The following VPS45 variants were observed in gnomAD, a reference collection of about 807,000 sequenced individuals.
VPS45 encodes vacuolar protein sorting 45 homolog.
VPS45 carries 35 observed loss-of-function variants against 75.9 expected under a neutral mutation model. The ratio of observed to expected loss-of-function variants is 0.46; its 90% CI spans 0.35 to 0.61. The LOEUF (loss-of-function observed/expected upper bound fraction) is 0.61. Ranked by LOEUF, VPS45 falls within the 20% of genes least tolerant of loss-of-function variation. The probability of loss-of-function intolerance (pLI) is 0.00; values close to 1 mark genes in which losing one functional copy is unlikely to be tolerated. For missense variants in VPS45, 559 were observed against 685.9 expected, an observed-to-expected ratio of 0.81 and a Z score of 2.07; for synonymous variants, 220 against 238.2, an observed-to-expected ratio of 0.92 and a Z score of 0.70.
rs370958835 is a variant in VPS45 at position 150,091,996 on chromosome 1, G to A, written c.1164G>A (p.Val388=). 6.8e-6 allele frequency: 11 copies of A among 1,613,962 alleles called. No individual in the cohort carries two copies. The highest frequency in any genetic ancestry group is 7.6e-6 in the Non-Finnish European group (9 of 1,180,002). ...CAGAGTTTGATGCTGCCCGCCTGGT[G>A]ATGCTTTATGCTTTACATTATGAGC... ...KVTEFDAARL[V]MLYALHYERH... The change falls in exon 11 of 15, where the codon GTG becomes GTA. Residue 388 remains valine (V), a synonymous_variant. Coordinates refer to ENST00000644510, the MANE Select transcript of VPS45 (RefSeq NM_007259.5).
At chr1:150,096,053 GCA>G (rs1430152322) in intron 13 of VPS45, among the ~76,000 whole-genome samples, 13 of 152,260 alleles carry the variant, frequency 8.5e-5, no homozygotes, top group African/African-American at 3.1e-4. Context: ...ATATTTAATG[GCA>G]CAGATTTATG....
intron 1 of VPS45, chr1:150,068,304 C>G (rs1654840990): frequency 2.8e-6 from 1 of 358,530 alleles, no homozygotes; most frequent in South Asian, 8.8e-5. Context: ...GGAGCTCAAG[C>G]TGAAATGACA....
chr1:150,083,362 A>G (rs1655826442), intron 10 of VPS45: 1 of 153,034 alleles, frequency 6.5e-6, no homozygotes, highest in African/African-American at 2.4e-5. Context: ...CAACATATTA[A>G]TGCCTGCTAT....
At chr1:150,077,356 A>G in intron 6 of VPS45, 125 bp downstream of exon 6, 1 of 1,216,594 alleles carries the variant, frequency 8.2e-7, no homozygotes, top group Non-Finnish European at 1.1e-6. Flanking sequence ...TTTCCGCGAA[A>G]AGAGGTAGGT....
Position 150,076,972 on chromosome 1 carries a change from G to C in VPS45, c.426G>C (p.Leu142Phe), listed in dbSNP as rs1553798226. ...CACATTTGTTTTCCCTCAATATTTT[G>C]GGTTGCTGCCAGGTATGGAAGGAAA... ...VNPHLFSLNI[L>F]GCCQGRNWDP... Residue 142 changes from leucine (L) to phenylalanine (F), a missense_variant, in exon 5 of 15, where the codon TTG (leucine) becomes TTC (phenylalanine). Physicochemically the swap from Leu to Phe is conservative, Grantham distance 22 (BLOSUM62 0). Coordinates refer to ENST00000644510, the MANE Select transcript of VPS45 (RefSeq NM_007259.5). The C allele has an allele frequency of 1.1e-5, 17 of 1,613,928 alleles. No individual in the cohort carries two copies. Among genetic ancestry groups the C allele is most frequent in the Non-Finnish European group, 8.5e-7 (1 of 1,180,016 alleles).
intron 14 of VPS45, among the ~76,000 whole-genome samples, chr1:150,119,643 A>G (rs1000747839): frequency 3.3e-5 from 5 of 152,208 alleles, no homozygotes; most frequent in African/African-American, 1.2e-4. Context: ...CATGTCTTAC[A>G]TCCAAATCCA....
At position 150,113,226 on chromosome 1, in the gene VPS45, T is replaced by C. The variant is rs140445974; in HGVS notation, c.1625+2599T>C. On this transcript the variant is annotated intron_variant, in intron 14 of 14. Coordinates refer to ENST00000644510, the MANE Select transcript of VPS45 (RefSeq NM_007259.5). ...TAGAGGCCCACCAAGAGTCATCTCA[T>C]TGAAACAAAAGACACTCCCGTCACC... Among the ~76,000 whole-genome samples the C allele has an allele frequency of 5.5e-3, 836 of 152,136 alleles. 7 individuals are homozygous for C. The highest frequency in any genetic ancestry group is 0.027 in the Middle Eastern group (8 of 294).
chr1:150,081,129 A>C (rs1013259975), intron 7 of VPS45, among the ~76,000 whole-genome samples: 1 of 152,218 alleles, frequency 6.6e-6, no homozygotes, highest in Non-Finnish European at 1.5e-5. Context: ...AAAAGTATGA[A>C]ATCTAAAAGT....
chr1:150,126,718 C>A (rs1387347505), intron 14 of VPS45, among the ~76,000 whole-genome samples: 1 of 152,094 alleles, frequency 6.6e-6, no homozygotes, highest in African/African-American at 2.4e-5. Flanking sequence ...GTAATCCCAG[C>A]ACTTTGGGAG....
intron 1 of VPS45, 183 bp downstream of exon 1, chr1:150,068,133 C>A: frequency 1.7e-6 from 1 of 602,968 alleles, no homozygotes. Context: ...TGGCTCCAGC[C>A]ACTGCCTAGA....
chr1:150,076,044 G>A (rs1044613624), intron 3 of VPS45, among the ~76,000 whole-genome samples, 189 bp from the exon 4 acceptor site: 38 of 146,164 alleles, frequency 2.6e-4, no homozygotes, highest in African/African-American at 9.5e-4. Flanking sequence ...GAGCCACCGC[G>A]CCTGGCCAGT....
intron 13 of VPS45, among the ~76,000 whole-genome samples, chr1:150,105,985 G>A (rs1044096575): frequency 1.3e-5 from 2 of 152,040 alleles, no homozygotes; most frequent in African/African-American, 4.8e-5. Flanking sequence ...CAATAAAGTC[G>A]ATAAAAATAA....
rs187876020 is a variant in VPS45 at position 150,110,759 on chromosome 1, C to T, written c.1625+132C>T. 9.7e-4 allele frequency: 845 copies of T among 869,560 alleles called. 8 individuals are homozygous for T. In the African/African-American group the frequency reaches 0.013, roughly 14 times the overall value. The allele number at this position is 869,560 out of a possible 1,614,324, so 53.9% of individuals were successfully genotyped here. Reference sequence around the variant, plus strand: ...GACTGAAATTCTCTGGTGTTTGCAGCTCCAGAATAATTTAAGAATTTGTGA... The same window carrying T: ...GACTGAAATTCTCTGGTGTTTGCAGTTCCAGAATAATTTAAGAATTTGTGA... On this transcript the variant is annotated intron_variant, in intron 14 of 14. Coordinates refer to ENST00000644510, the MANE Select transcript of VPS45 (RefSeq NM_007259.5).
rs587701110 is a variant in VPS45, at chr1:150,108,189, A to G, written c.1494-2307A>G. Among the ~76,000 whole-genome samples the G allele has an allele frequency of 7.2e-5, 11 of 152,338 alleles. No homozygotes were observed. The South Asian group carries it at 2.3e-3, about 32-fold the overall frequency. ...GAAATAATTAAACATCCAAATGGAA[A>G]TGTCAAGTAAACAGGTATTTAAGTC... On this transcript the variant is annotated intron_variant, in intron 13 of 14. Transcript: ENST00000644510.
intron 10 of VPS45, among the ~76,000 whole-genome samples, chr1:150,085,494 T>C (rs1397149838): frequency 6.6e-6 from 1 of 152,164 alleles, no homozygotes; most frequent in African/African-American, 2.4e-5. Context: ...GTCTAGGGTA[T>C]TGGGATTTTA....
intron 10 of VPS45, chr1:150,083,159 T>G (rs1021487427): frequency 1.5e-5 from 4 of 275,634 alleles, no homozygotes; most frequent in Non-Finnish European, 2.7e-5. Context: ...TAGATTGGAG[T>G]GTTTGGTATA....
chr1:150,082,968 C>A, intron 10 of VPS45, 85 bp downstream of exon 10: 1 of 1,349,484 alleles, frequency 7.4e-7, no homozygotes, highest in Non-Finnish European at 9.9e-7. Flanking sequence ...AATCCTTCTT[C>A]ATCAACATGG....
intron 13 of VPS45, among the ~76,000 whole-genome samples, chr1:150,104,467 A>G (rs1184080344): frequency 6.6e-6 from 1 of 152,148 alleles, no homozygotes; most frequent in Non-Finnish European, 1.5e-5. Flanking sequence ...TAGTGCTGGG[A>G]TAAACATGAG....
At chr1:150,135,528 AG>A (rs1553813415) in intron 14 of VPS45, among the ~76,000 whole-genome samples, 1 of 152,038 alleles carries the variant, frequency 6.6e-6, no homozygotes, top group Non-Finnish European at 1.5e-5. Flanking sequence ...GGCCTCCCAA[AG>A]TGCTGGGATA....
Sources: gnomAD v4.1 joint callset for allele counts (sites outside exome capture counted in the v4.1 genomes callset) on GRCh38, gnomAD v4.1.1 for gene constraint, MANE v1.5 for transcripts, NCBI Gene and HGNC (gene_info 2026-07-23, HGNC 2026-07-21) for gene names.